Variants in ATP7A observed in about 807,000 individuals in gnomAD.
ATP7A encodes copper-transporting ATPase 1.
ATP7A carries 7 observed loss-of-function variants against 83.5 expected under a neutral mutation model. The observed-to-expected ratio is 0.08, with a 90% CI of 0.05 to 0.16. The LOEUF (loss-of-function observed/expected upper bound fraction) is 0.16, where lower values mean the gene tolerates loss of function less well. ATP7A is among the 10% of genes least tolerant of loss of function. The pLI is 1.00. For synonymous variants in ATP7A, 354 were observed against 395.2 expected, an observed-to-expected ratio of 0.90 and a Z score of 1.24; for missense variants, 940 against 1,120.8, an observed-to-expected ratio of 0.84 and a Z score of 2.30.
Position 77,989,593 on chromosome X carries a change from G to T in ATP7A, c.971G>T (p.Ser324Ile). ...NRSAIVKYNA[S>I]SVTPESLRKA... ...TCTGCCATTGTGAAGTATAATGCAA[G>T]CTCAGTCACTCCAGAATCCCTGAGA... Residue 324 changes from serine to isoleucine, a missense_variant, in exon 4 of 23, where the codon AGC (serine) becomes ATC (isoleucine). Ser to Ile is a moderately radical substitution (Grantham distance 142, BLOSUM62 -2). Around this residue, in one of 3 missense-constraint regions of ATP7A, gnomAD observed 350 missense variants for 432.8 expected, o/e 0.81. Coordinates refer to ENST00000341514, the MANE Select transcript of ATP7A (RefSeq NM_000052.7). 8.3e-7 allele frequency: 1 copy of T among 1,211,803 alleles called. No homozygotes were observed. Among genetic ancestry groups the T allele is most frequent in the African/African-American group, 1.7e-5 (1 of 57,836 alleles).
chrX:77,937,492 A>G (rs2077326257), intron 1 of ATP7A, among the ~76,000 whole-genome samples: 1 of 112,461 alleles, frequency 8.9e-6, no homozygotes, highest in Non-Finnish European at 1.9e-5. Flanking sequence ...GTGTTTACAC[A>G]AAAACCTGTA....
chrX:77,914,489 T>A (rs936003607), intron 1 of ATP7A, among the ~76,000 whole-genome samples: 2 of 111,289 alleles, frequency 1.8e-5, no homozygotes, highest in African/African-American at 3.3e-5. Context: ...AACCTCCGCC[T>A]CCTGGGTTCT....
chrX:77,940,434 A>G (rs2077345473), intron 1 of ATP7A, among the ~76,000 whole-genome samples: 1 of 110,771 alleles, frequency 9.0e-6, no homozygotes. Flanking sequence ...ACAATCAGTT[A>G]ATGATTTTGA....
chrX:77,988,605 G>A lies in ATP7A; in HGVS notation c.484G>A (p.Asp162Asn). 8.3e-7 allele frequency: 1 copy of A among 1,211,840 alleles called. No homozygotes were observed. The highest frequency in any genetic ancestry group is 1.1e-6 in the Non-Finnish European group (1 of 895,545). Residue 162 changes from aspartate (D) to asparagine (N), a missense_variant, in exon 3 of 23, where the codon GAT becomes AAT. Asp to Asn is a conservative substitution (Grantham distance 23). Coordinates refer to ENST00000341514, the MANE Select transcript of ATP7A (RefSeq NM_000052.7). ...GGAGAAAAAGTCAGGAGCTTGTGAA[G>A]ATCATAGTATGGCTCAAGCTGGTGA... ...TLEKKSGACE[D>N]HSMAQAGEVV... is the part of the protein sequence containing the mutation.
chrX:77,914,015 CTTATT>C (rs1413496468), intron 1 of ATP7A, among the ~76,000 whole-genome samples: 1 of 111,416 alleles, frequency 9.0e-6, no homozygotes, highest in East Asian at 2.8e-4. Flanking sequence ...GGCCATTAAC[CTTATT>C]TTATTTTATT....
At chrX:77,978,978 C>T (rs1381892804) in intron 2 of ATP7A, among the ~76,000 whole-genome samples, 1 of 110,446 alleles carries the variant, frequency 9.1e-6, no homozygotes, top group Non-Finnish European at 1.9e-5. Flanking sequence ...ATTACAGGCA[C>T]GTGGCATCAT....
rs2077179689 is a variant in ATP7A, at chrX:77,915,341, A to G, written c.-22+4506A>G. Among the ~76,000 whole-genome samples the G allele has an allele frequency of 2.8e-5, 3 of 108,321 alleles. No individual in the cohort carries two copies. The South Asian group carries it at 1.3e-3, about 45-fold the overall frequency. 94.1% of individuals were successfully genotyped at this position (108,321 alleles called of 115,157 possible). On this transcript the variant is annotated intron_variant, in intron 1 of 22. Coordinates refer to ENST00000341514, the MANE Select transcript of ATP7A (RefSeq NM_000052.7). ...CTGTCTTGTCCGGAAAAAAAAAAAA[A>G]GCCTGTCTTGTCTGGCTCAGTCCAG...
chrX:78,038,915 C>T lies in ATP7A; in HGVS notation c.3591C>T (p.Asn1197=), dbSNP rs1391918882. 9 of 1,208,818 alleles carry T rather than the reference C, an allele frequency of 7.4e-6. No homozygotes were observed. Among genetic ancestry groups the T allele is most frequent in the Non-Finnish European group, 8.9e-6 (8 of 894,076 alleles). The change falls in exon 18 of 23, where the codon AAC becomes AAT. Residue 1197 remains asparagine (N), a synonymous_variant. Coordinates refer to ENST00000341514, the MANE Select transcript of ATP7A (RefSeq NM_000052.7). The part of the protein sequence containing the change: ...WMIRNGLVIN[N]DVNDFMTEHE... ...TTAGAAATGGTCTTGTCATTAATAA[C>T]GATGTAAATGATTTCATGACTGAAC...
chrX:78,027,338 A>C (rs1388867041), intron 14 of ATP7A, among the ~76,000 whole-genome samples: 1 of 111,472 alleles, frequency 9.0e-6, no homozygotes, highest in Non-Finnish European at 1.9e-5. Context: ...TAAATCAAGA[A>C]CTCAATCCCA....
In ATP7A at chrX:78,033,692, G is replaced by A; in HGVS notation, c.3382G>A (p.Gly1128Ser). Reference sequence around the variant, plus strand: ...TAGCTGTAAAGTCACCAATATTGAAGGCTTGCTACATAAGAATAACTGGAA... The same window carrying A: ...TAGCTGTAAAGTCACCAATATTGAAAGCTTGCTACATAAGAATAACTGGAA... ...GISCKVTNIE[G>S]LLHKNNWNIE... is the part of the protein sequence containing the mutation. Residue 1128 changes from glycine (G) to serine (S), a missense_variant, in exon 17 of 23, where the codon GGC (glycine) becomes AGC (serine). Coordinates refer to ENST00000341514, the MANE Select transcript of ATP7A (RefSeq NM_000052.7). The A allele has an allele frequency of 1.7e-6, 2 of 1,210,566 alleles. No individual in the cohort carries two copies. The highest frequency in any genetic ancestry group is 2.2e-5 in the Admixed American group (1 of 45,961).
rs187081086 is a variant in ATP7A, at chrX:77,957,226, T to A, written c.-21-14395T>A. On this transcript the variant is annotated intron_variant, in intron 1 of 22. Coordinates refer to ENST00000341514, the MANE Select transcript of ATP7A (RefSeq NM_000052.7). ...TCTATTAAAGTCTTTTGGTCATTTT[T>A]AAAAAAATTTATTATTATCATACTT... is the stretch of plus-strand genomic sequence containing the variant. Among the ~76,000 whole-genome samples the A allele has an allele frequency of 8.2e-3, 914 of 111,396 alleles. 9 individuals are homozygous for A. The highest frequency in any genetic ancestry group is 0.028 in the African/African-American group (845 of 30,696).
In ATP7A at chrX:77,913,672, CA is replaced by C. The variant is rs781951716; in HGVS notation, c.-22+2840del. 2.7e-5 allele frequency among the ~76,000 whole-genome samples: 3 copies of C among 112,124 alleles called. No homozygotes were observed. In the East Asian group the frequency reaches 8.3e-4, roughly 31 times the overall value. On this transcript the variant is annotated intron_variant, in intron 1 of 22. Coordinates refer to ENST00000341514, the MANE Select transcript of ATP7A (RefSeq NM_000052.7). ...TTCTTACTTTTTCCAGCACTGTTTG[CA>C]AATTGAAGTGATTTCCTAATCTTTT...
chrX:77,932,641 G>A (rs1163438722), intron 1 of ATP7A, among the ~76,000 whole-genome samples: 3 of 112,923 alleles, frequency 2.7e-5, no homozygotes, highest in Non-Finnish European at 5.6e-5. Context: ...ACCAGACTCC[G>A]TCTGCAAACC....
chrX:77,913,957 G>A (rs189511287), intron 1 of ATP7A, among the ~76,000 whole-genome samples: 145 of 112,405 alleles, frequency 1.3e-3, no homozygotes, highest in African/African-American at 3.2e-3. Context: ...CAATTTACCA[G>A]TTGAAATAAA....
At chrX:77,921,525 CTG>C (rs1295874777) in intron 1 of ATP7A, among the ~76,000 whole-genome samples, 1 of 112,223 alleles carries the variant, frequency 8.9e-6, no homozygotes, top group Non-Finnish European at 1.9e-5. Flanking sequence ...CTTACCCTCT[CTG>C]TATCTCAATT....
Position 78,029,519 on chromosome X carries a change from C to T in ATP7A, c.3111+75C>T, listed in dbSNP as rs2077969439. The T allele has an allele frequency of 6.0e-6, 6 of 993,610 alleles. 1 individual carries two copies. The Admixed American group carries it at 1.4e-4, about 22-fold the overall frequency. The allele number at this position is 993,610 out of a possible 1,213,427, so 81.9% of individuals were successfully genotyped here. The stretch of plus-strand genomic sequence containing the variant: ...ACCCCTCACATGTGAGAAACACATA[C>T]TCCTAAATTATTTCTCTGTGGTCCA... On this transcript the variant is annotated intron_variant, in intron 15 of 22. Coordinates refer to ENST00000341514, the MANE Select transcript of ATP7A (RefSeq NM_000052.7).
At chrX:77,945,654 A>G (rs781946805) in intron 1 of ATP7A, among the ~76,000 whole-genome samples, 1 of 112,496 alleles carries the variant, frequency 8.9e-6, no homozygotes, top group Non-Finnish European at 1.9e-5. Context: ...GCAGAGCTAC[A>G]TAGTAGCAGA....
chrX:78,006,578 G>T (rs1405640152), intron 6 of ATP7A, among the ~76,000 whole-genome samples: 1 of 111,521 alleles, frequency 9.0e-6, no homozygotes, highest in Non-Finnish European at 1.9e-5. Context: ...ACTACTATCT[G>T]ATTTCAAAAC....
chrX:78,029,869 C>T (rs2077971788), intron 15 of ATP7A, among the ~76,000 whole-genome samples: 1 of 111,800 alleles, frequency 8.9e-6, no homozygotes, highest in African/African-American at 3.3e-5. Context: ...CACCAGCCGA[C>T]AGTTTGCAGC....
Sources: allele counts gnomAD v4.1 joint callset (sites outside exome capture counted in the v4.1 genomes callset), GRCh38; gene constraint gnomAD v4.1.1; regional missense constraint gnomAD v4.1.1; transcripts MANE v1.5; gene names NCBI Gene and HGNC (gene_info 2026-07-23, HGNC 2026-07-21).